REDIC1: variants seen among roughly 807,000 people sequenced by gnomAD.
The protein encoded by REDIC1 is regulator of DNA class I crossover intermediates 1.
the REDIC1 span, among the ~76,000 whole-genome samples, chr12:39,812,990 C>G: frequency 1.3e-5 from 1 of 78,054 alleles, no homozygotes; most frequent in East Asian, 4.2e-4. Flanking sequence ...ACATCATGCC[C>G]AGCTAATTTT....
chr12:39,884,012 A>T, the REDIC1 span, among the ~76,000 whole-genome samples: 1 of 152,214 alleles, frequency 6.6e-6, no homozygotes, highest in African/African-American at 2.4e-5. Flanking sequence ...CCAATTTCCT[A>T]TAATAAGCAT....
At chr12:39,814,056 C>T in the REDIC1 span, among the ~76,000 whole-genome samples, 36 of 152,122 alleles carry the variant, frequency 2.4e-4, no homozygotes, top group Admixed American at 5.9e-4. Flanking sequence ...TCTTTCAAGA[C>T]GAGGAAAACT....
the REDIC1 span, among the ~76,000 whole-genome samples, chr12:39,788,355 T>G: frequency 6.6e-6 from 1 of 152,148 alleles, no homozygotes; most frequent in Admixed American, 6.6e-5. Context: ...AAGGGTTACT[T>G]GAACACAGTG....
chr12:39,635,857 C>G, the REDIC1 span, among the ~76,000 whole-genome samples: 2 of 151,934 alleles, frequency 1.3e-5, no homozygotes, highest in Non-Finnish European at 2.9e-5. Context: ...TATTAAAATT[C>G]AAATCCATGT....
chr12:39,811,132 C>T, the REDIC1 span, among the ~76,000 whole-genome samples: 1 of 151,822 alleles, frequency 6.6e-6, no homozygotes, highest in South Asian at 2.1e-4. Flanking sequence ...TATGTGTCAC[C>T]AGGAATTTTC....
At chr12:39,773,952 T>C in the REDIC1 span, among the ~76,000 whole-genome samples, 1 of 152,166 alleles carries the variant, frequency 6.6e-6, no homozygotes, top group Admixed American at 6.5e-5. Context: ...CTGAGGAGTG[T>C]CAGTGAAGCA....
the REDIC1 span, among the ~76,000 whole-genome samples, chr12:39,738,446 C>T: frequency 6.6e-6 from 1 of 152,144 alleles, no homozygotes; most frequent in Non-Finnish European, 1.5e-5. Flanking sequence ...TGATAAATAG[C>T]ATCTGAGGAG....
At chr12:39,765,979 G>A in the REDIC1 span, among the ~76,000 whole-genome samples, 1 of 152,046 alleles carries the variant, frequency 6.6e-6, no homozygotes, top group African/African-American at 2.4e-5. Flanking sequence ...CACGCAGTGT[G>A]TGGTTTTCTG....
the REDIC1 span, among the ~76,000 whole-genome samples, chr12:39,760,576 A>G: frequency 6.6e-6 from 1 of 151,942 alleles, no homozygotes; most frequent in Non-Finnish European, 1.5e-5. Flanking sequence ...TGTTGTTGAG[A>G]CCCCTAAAAT....
chr12:39,798,273 C>T, the REDIC1 span, among the ~76,000 whole-genome samples: 1 of 152,160 alleles, frequency 6.6e-6, no homozygotes, highest in African/African-American at 2.4e-5. Flanking sequence ...TGAGAGATAC[C>T]ACCACAGAGC....
At chr12:39,760,181 T>C in the REDIC1 span, 1 of 1,612,910 alleles carries the variant, frequency 6.2e-7, no homozygotes, top group Non-Finnish European at 8.5e-7. Context: ...TTTTTGCCTT[T>C]GGTCTCAGGA....
chr12:39,695,290 A>G, the REDIC1 span, among the ~76,000 whole-genome samples: 2 of 152,184 alleles, frequency 1.3e-5, no homozygotes, highest in South Asian at 4.1e-4. Flanking sequence ...AATACCAAGT[A>G]GGCTCTTGGG....
chr12:39,818,980 AAACTCAATGTT>A, the REDIC1 span, among the ~76,000 whole-genome samples: 2 of 152,156 alleles, frequency 1.3e-5, no homozygotes, highest in Non-Finnish European at 2.9e-5. Context: ...TATTTCCCAA[AAACTCAATGTT>A]AAACGAACGA....
the REDIC1 span, chr12:39,643,799 G>A: frequency 6.5e-7 from 1 of 1,543,404 alleles, no homozygotes; most frequent in Non-Finnish European, 8.9e-7. Context: ...AAAAACACAG[G>A]TTAAAATCAA....
chr12:39,818,512 T>C, the REDIC1 span, among the ~76,000 whole-genome samples: 2 of 152,176 alleles, frequency 1.3e-5, no homozygotes, highest in African/African-American at 4.8e-5. Context: ...AACTCTAACT[T>C]TATAAGTAGC....
At chr12:39,751,137 G>A in the REDIC1 span, among the ~76,000 whole-genome samples, 1 of 152,174 alleles carries the variant, frequency 6.6e-6, no homozygotes. Flanking sequence ...CCTACAGAAT[G>A]GGAGAACATT....
the REDIC1 span, among the ~76,000 whole-genome samples, chr12:39,745,558 C>T: frequency 1.1e-4 from 17 of 152,088 alleles, no homozygotes; most frequent in Non-Finnish European, 1.5e-4. Context: ...TAGCACATAA[C>T]GAGTGTGTTA....
chr12:39,669,938 G>T, the REDIC1 span, among the ~76,000 whole-genome samples: 1 of 152,130 alleles, frequency 6.6e-6, no homozygotes, highest in Non-Finnish European at 1.5e-5. Flanking sequence ...GATTTTTCAG[G>T]TGCCGTCTGT....
At chr12:39,877,524 G>T in the REDIC1 span, among the ~76,000 whole-genome samples, 1 of 152,218 alleles carries the variant, frequency 6.6e-6, no homozygotes, top group East Asian at 1.9e-4. Context: ...TATCACAAGG[G>T]CATCCACTTA....
Sources: allele counts gnomAD v4.1 joint callset (sites outside exome capture counted in the v4.1 genomes callset), GRCh38; gene constraint gnomAD v4.1.1; transcripts MANE v1.5; gene names NCBI Gene and HGNC (gene_info 2026-07-23, HGNC 2026-07-21).